JMJD1C: variants seen among roughly 807,000 people sequenced by gnomAD.
JMJD1C encodes the protein jumonji domain containing 1C.
JMJD1C carries 31 observed loss-of-function variants against 245.3 expected under a neutral mutation model. That is an observed-to-expected ratio of 0.13 (90% CI 0.09 to 0.17). The LOEUF is 0.17. Among genes scored for constraint, JMJD1C ranks in the 10% least tolerant of loss-of-function variants. JMJD1C has a pLI of 1.00. For synonymous variants in JMJD1C, 1,057 were observed against 1,017.4 expected (o/e 1.04, Z -0.74); for missense variants, 2,691 against 3,000.2 (o/e 0.90, Z 2.41).
At chr10:63,508,231 AATATT>A (rs138373080) in intron 1 of JMJD1C, among the ~76,000 whole-genome samples, 79 of 152,240 alleles carry the variant, frequency 5.2e-4, no homozygotes, top group African/African-American at 1.9e-3. Context: ...ATTTTTTGAA[AATATT>A]ATATCTTTTT....
At chr10:63,519,589 G>A (rs1955140936) in intron 1 of JMJD1C, among the ~76,000 whole-genome samples, 1 of 152,166 alleles carries the variant, frequency 6.6e-6, no homozygotes, top group South Asian at 2.1e-4. Context: ...ATAAGAAATA[G>A]AAATTCAAGT....
chr10:63,519,215 G>A (rs1339292462), intron 1 of JMJD1C, among the ~76,000 whole-genome samples: 4 of 152,138 alleles, frequency 2.6e-5, no homozygotes, highest in Admixed American at 1.3e-4. Flanking sequence ...GAAACTTAAC[G>A]CACAGCAGTC....
rs748293832 is a variant in JMJD1C, at chr10:63,215,502, T to C, written c.823-47A>G. ...TAATTGTTTACTACCTGGTTTCTAC[T>C]AGCCTAAGGAAAAATATTTTACAGA... On this transcript the variant is annotated intron_variant, in intron 6 of 25. Transcript: ENST00000399262. The C allele has an allele frequency of 3.7e-6, 6 of 1,609,898 alleles. No individual in the cohort carries two copies. The East Asian group carries it at 1.3e-4, about 36-fold the overall frequency.
At chr10:63,375,390 T>C (rs1476126334) in intron 2 of JMJD1C, among the ~76,000 whole-genome samples, 1 of 151,998 alleles carries the variant, frequency 6.6e-6, no homozygotes, top group African/African-American at 2.4e-5. Flanking sequence ...AATTAACAAA[T>C]AATTCCATTT....
intron 10 of JMJD1C, chr10:63,205,050 A>C: frequency 3.1e-6 from 3 of 982,000 alleles, no homozygotes; most frequent in Non-Finnish European, 3.6e-6. Flanking sequence ...GAAATAAGCA[A>C]ACTGAGAAAA....
chr10:63,409,149 A>T (rs559564246), intron 1 of JMJD1C, among the ~76,000 whole-genome samples: 135 of 152,306 alleles, frequency 8.9e-4, no homozygotes, highest in Middle Eastern at 3.4e-3. Context: ...TAATTTCTCA[A>T]ATTACTAATG....
intron 13 of JMJD1C, 111 bp downstream of exon 13, chr10:63,197,300 T>TTA: frequency 1.1e-6 from 1 of 885,492 alleles, no homozygotes. Context: ...AAAAAATACT[T>TTA]AATACATTAA....
intron 3 of JMJD1C, among the ~76,000 whole-genome samples, chr10:63,255,289 T>C (rs1018294929): frequency 6.6e-6 from 1 of 152,202 alleles, no homozygotes. Context: ...CAACGTTTCA[T>C]TCCCCTATGC....
intron 1 of JMJD1C, among the ~76,000 whole-genome samples, chr10:63,521,208 G>A (rs1256637875): frequency 6.6e-5 from 10 of 151,978 alleles, no homozygotes; most frequent in African/African-American, 2.2e-4. Context: ...GCGCGGGCTA[G>A]GATCCCGCCA....
chr10:63,282,670 A>C (rs1034360673), intron 2 of JMJD1C, among the ~76,000 whole-genome samples: 1 of 152,224 alleles, frequency 6.6e-6, no homozygotes, highest in Non-Finnish European at 1.5e-5. Context: ...TCAGGTCAAT[A>C]AAATTTCGAT....
Position 63,350,762 on chromosome 10 carries a change from G to A in JMJD1C, c.333+29556C>T, listed in dbSNP as rs575887224. ...CTCCTGAGTAGCTAGGACTACAGGCGCCCGCCACCGTGCCCAGCTAATTTT... is the reference window on the plus strand; with the variant it reads ...CTCCTGAGTAGCTAGGACTACAGGCACCCGCCACCGTGCCCAGCTAATTTT... On this transcript the variant is annotated intron_variant, in intron 2 of 25. Transcript: ENST00000399262. Among the ~76,000 whole-genome samples the A allele has an allele frequency of 6.1e-3, 928 of 151,804 alleles. 4 individuals carry two copies. The highest frequency in any genetic ancestry group is 0.01 in the Non-Finnish European group (698 of 67,954).
intron 1 of JMJD1C, among the ~76,000 whole-genome samples, chr10:63,427,066 G>A (rs372750047): frequency 2.0e-5 from 3 of 152,202 alleles, no homozygotes; most frequent in African/African-American, 7.2e-5. Context: ...GTGTATGTAA[G>A]TAATGCCGTC....
chr10:63,214,445 T>C lies in JMJD1C; in HGVS notation c.1722A>G (p.Leu574=), dbSNP rs1167631880. 2 of 1,613,846 alleles carry C rather than the reference T, an allele frequency of 1.2e-6. No individual in the cohort carries two copies. The highest frequency in any genetic ancestry group is 1.7e-5 in the Admixed American group (1 of 60,008). The change falls in exon 8 of 26, where the codon CTA becomes CTG. Residue 574 remains leucine (L), a synonymous_variant. Transcript: ENST00000399262. ...AAGCATTTGTAACACTTGATTGGGTTAGATCCACTTTAACTACATCACTGA... is the reference window on the plus strand; with the variant it reads ...AAGCATTTGTAACACTTGATTGGGTCAGATCCACTTTAACTACATCACTGA... ...SWVSDVVKVD[L]TQSSVTNASS...
At chr10:63,324,787 G>A (rs1941324092) in intron 2 of JMJD1C, among the ~76,000 whole-genome samples, 1 of 152,154 alleles carries the variant, frequency 6.6e-6, no homozygotes, top group Non-Finnish European at 1.5e-5. Context: ...GTTCCAGGGT[G>A]GTGGTTTATA....
intron 1 of JMJD1C, 35 bp downstream of exon 1, chr10:63,465,460 G>C: frequency 6.4e-7 from 1 of 1,550,874 alleles, no homozygotes; most frequent in Non-Finnish European, 8.7e-7. Context: ...GGGTGCGGGC[G>C]CGGCAGGGGA....
chr10:63,387,629 A>ATTTT lies in JMJD1C; in HGVS notation c.169-7151_169-7148dup, dbSNP rs71025169. 9.0e-3 allele frequency among the ~76,000 whole-genome samples: 339 copies of ATTTT among 37,868 alleles called. 55 individuals carry two copies. The highest frequency in any genetic ancestry group is 0.091 in the Middle Eastern group (2 of 22). 24.8% of individuals were successfully genotyped at this position (37,868 alleles called of 152,430 possible). On this transcript the variant is annotated intron_variant, in intron 1 of 25. Transcript: ENST00000399262. ...AGTCAGAAGAAAAAAGAAAAAAAAA[A>ATTTT]TTTTTTTTTTTTTTTTTTTTTTTTG... is the stretch of plus-strand genomic sequence containing the variant.
intron 2 of JMJD1C, among the ~76,000 whole-genome samples, chr10:63,334,558 C>T (rs1474627141): frequency 6.6e-6 from 1 of 152,046 alleles, no homozygotes; most frequent in Non-Finnish European, 1.5e-5. Context: ...CCTGTCTCTA[C>T]AAAAAATTCA....
chr10:63,380,585 T>TC, intron 1 of JMJD1C, 103 bp from the exon 2 acceptor site: 2 of 811,092 alleles, frequency 2.5e-6, no homozygotes, highest in Non-Finnish European at 3.9e-6. Flanking sequence ...GTACATATGA[T>TC]ATCGTGATAC....
chr10:63,308,752 A>C (rs1405401143), intron 2 of JMJD1C, among the ~76,000 whole-genome samples: 2 of 118,864 alleles, frequency 1.7e-5, no homozygotes, highest in African/African-American at 3.4e-5. Context: ...ATTTGAGAAC[A>C]AAAAAAAAAA....
Sources: gnomAD v4.1 joint callset for allele counts (sites outside exome capture counted in the v4.1 genomes callset) on GRCh38, gnomAD v4.1.1 for gene constraint, MANE v1.5 for transcripts, NCBI Gene and HGNC (gene_info 2026-07-23, HGNC 2026-07-21) for gene names.